The following KIF3C variants were observed in gnomAD, a reference collection of about 807,000 sequenced individuals.
The protein encoded by KIF3C is kinesin family member 3C.
Under a neutral mutation model 67.7 loss-of-function variants are expected in KIF3C, and 12 were observed. The observed-to-expected ratio is 0.18, with a 90% CI of 0.11 to 0.29. KIF3C has a LOEUF of 0.29. Ranked by LOEUF, KIF3C falls within the 10% of genes least tolerant of loss-of-function variation. The pLI is 1.00. For synonymous variants in KIF3C, 393 were observed against 426.2 expected (o/e 0.92, Z 0.96); for missense variants, 789 against 1,059.6 (o/e 0.74, Z 3.55).
chr2:25,953,582 G>A (rs1471749492), intron 4 of KIF3C, among the ~76,000 whole-genome samples: 1 of 151,276 alleles, frequency 6.6e-6, no homozygotes, highest in Non-Finnish European at 1.5e-5. Flanking sequence ...GGATAGTCTC[G>A]ATCTCCTGAC....
chr2:25,955,691 A>G lies in KIF3C; in HGVS notation c.1648-28T>C. On this transcript the variant is annotated intron_variant, in intron 2 of 7. Coordinates refer to ENST00000264712, the MANE Select transcript of KIF3C (RefSeq NM_002254.8). The surrounding 1 kb of genome is among the most constrained non-coding windows in gnomAD (Gnocchi z 5.0). ...AGGCCAAGGACGGGCAGTGTGGCTC[A>G]AAGGAGCAGTGCATACTCGGGAGGG... 6.2e-7 allele frequency: 1 copy of G among 1,613,342 alleles called. No individual in the cohort carries two copies. Among genetic ancestry groups the G allele is most frequent in the South Asian group, 1.1e-5 (1 of 90,996 alleles).
At chr2:25,971,099 C>T (rs564605344) in intron 1 of KIF3C, among the ~76,000 whole-genome samples, 1 of 151,922 alleles carries the variant, frequency 6.6e-6, no homozygotes, top group African/African-American at 2.4e-5. Context: ...GGTGAAACCC[C>T]GTCTTTACTA....
chr2:25,943,920 T>C (rs1663359380), intron 5 of KIF3C, among the ~76,000 whole-genome samples: 1 of 152,208 alleles, frequency 6.6e-6, no homozygotes, highest in Non-Finnish European at 1.5e-5. Flanking sequence ...TTTTTGTATT[T>C]TTTAAAGTTC....
chr2:25,953,666 G>GTTTT (rs1195374364), intron 4 of KIF3C, among the ~76,000 whole-genome samples: 4 of 94,498 alleles, frequency 4.2e-5, no homozygotes, highest in African/African-American at 1.7e-4. Flanking sequence ...GGCCTTTTTT[G>GTTTT]TTTTTGTTTT....
chr2:25,958,051 C>A lies in KIF3C; in HGVS notation c.1546-1607G>T, dbSNP rs2149235363. ...CTTACACTGCATCCTCAGCGACTCA[C>A]CTGCCTCGCCTCATCCCTGCCCTGC... is the stretch of plus-strand genomic sequence containing the variant. On this transcript the variant is annotated intron_variant, in intron 1 of 7. Transcript: ENST00000264712. The surrounding 1 kb of genome is among the most constrained non-coding windows in gnomAD (Gnocchi z 4.5). Among the ~76,000 whole-genome samples, 2 of 152,236 alleles carry A rather than the reference C, an allele frequency of 1.3e-5. No individual in the cohort carries two copies. The highest frequency in any genetic ancestry group is 4.1e-4 in the South Asian group (2 of 4,830).
intron 1 of KIF3C, among the ~76,000 whole-genome samples, chr2:25,962,691 A>G (rs527817246): frequency 2.9e-5 from 4 of 138,090 alleles, no homozygotes; most frequent in African/African-American, 1.1e-4. Flanking sequence ...TTTCACCTCT[A>G]TGGACATAGT....
At chr2:25,972,670 T>C (rs951109326) in intron 1 of KIF3C, among the ~76,000 whole-genome samples, 1 of 152,212 alleles carries the variant, frequency 6.6e-6, no homozygotes, top group Non-Finnish European at 1.5e-5. Context: ...ATCAGCTTTG[T>C]GGAAGTCTCT....
rs369982500 is a variant in KIF3C at position 25,928,962 on chromosome 2, C to T, written c.*16G>A. Reference sequence around the variant, plus strand: ...TCCCAGGAGTCTATTGGATGGGCAGCCTGACGTGATGGTTGTCACTCATGG... The same window carrying T: ...TCCCAGGAGTCTATTGGATGGGCAGTCTGACGTGATGGTTGTCACTCATGG... On this transcript the variant is annotated 3_prime_UTR_variant, in exon 8 of 8. Transcript: ENST00000264712. 3 of 1,608,728 alleles carry T rather than the reference C, an allele frequency of 1.9e-6. No individual in the cohort carries two copies. Among genetic ancestry groups the T allele is most frequent in the Admixed American group, 1.7e-5 (1 of 59,582 alleles).
At chr2:25,963,956 G>C (rs947580105) in intron 1 of KIF3C, among the ~76,000 whole-genome samples, 2 of 152,076 alleles carry the variant, frequency 1.3e-5, no homozygotes, top group African/African-American at 4.8e-5. Flanking sequence ...ATCCCAAAGT[G>C]CTGGGATTAC....
At position 25,931,998 on chromosome 2, in the gene KIF3C, G is replaced by GT. The variant is rs768781708; in HGVS notation, c.2007-1936dup. Among the ~76,000 whole-genome samples the GT allele has an allele frequency of 3.5e-3, 392 of 113,044 alleles. 1 individual carries two copies. The highest frequency in any genetic ancestry group is 0.015 in the Middle Eastern group (2 of 132). 74.2% of individuals were successfully genotyped at this position (113,044 alleles called of 152,430 possible). On this transcript the variant is annotated intron_variant, in intron 5 of 7. Coordinates refer to ENST00000264712, the MANE Select transcript of KIF3C (RefSeq NM_002254.8). ...GCCTTCATTGTGTGTTGTTTCTTCT[G>GT]TTTTGTTTTTTTTTTTTTTTTTTGG...
At chr2:25,976,161 GC>G (rs1399849817) in intron 1 of KIF3C, among the ~76,000 whole-genome samples, 1 of 152,134 alleles carries the variant, frequency 6.6e-6, no homozygotes, top group Non-Finnish European at 1.5e-5. Context: ...GTGGGAGAAA[GC>G]AGGACCCACA....
intron 1 of KIF3C, among the ~76,000 whole-genome samples, chr2:25,957,568 G>A (rs1292518756): frequency 1.3e-5 from 2 of 152,198 alleles, no homozygotes; most frequent in East Asian, 1.9e-4. Context: ...TTGAACCAGT[G>A]GAAAAAGCTG....
At chr2:25,930,097 T>C (rs1307414087) in intron 5 of KIF3C, 34 bp from the exon 6 acceptor site, 2 of 1,545,776 alleles carry the variant, frequency 1.3e-6, no homozygotes, top group African/African-American at 1.4e-5. Context: ...AAAGGATTTC[T>C]GTGGAACACA....
chr2:25,973,538 A>AG (rs1329186567), intron 1 of KIF3C, among the ~76,000 whole-genome samples: 2 of 130,200 alleles, frequency 1.5e-5, no homozygotes. Context: ...TGGGCAACAG[A>AG]GTGAGACTCT....
chr2:25,960,223 G>C (rs1559554554), intron 1 of KIF3C, among the ~76,000 whole-genome samples: 1 of 152,020 alleles, frequency 6.6e-6, no homozygotes, highest in African/African-American at 2.4e-5. Flanking sequence ...GGGCAACATA[G>C]CAACGCCCTA....
chr2:25,981,609 C>A lies in KIF3C; in HGVS notation c.309G>T (p.Lys103Asn). 1 of 1,614,218 alleles carries A rather than the reference C, an allele frequency of 6.2e-7. No homozygotes were observed. Among genetic ancestry groups the A allele is most frequent in the Non-Finnish European group, 8.5e-7 (1 of 1,180,046 alleles). ...VFAYGQTGTG[K>N]TYTMQGTWVE... ...CCCAGGTCCCCTGCATGGTATAGGT[C>A]TTGCCAGTGCCCGTCTGGCCATAGG... Residue 103 changes from lysine (K) to asparagine (N), a missense_variant, in exon 1 of 8, where the codon AAG becomes AAT. Physicochemically the swap from Lys to Asn is moderately conservative, Grantham distance 94. Transcript: ENST00000264712. This position sits in a 1 kb window ranked among gnomAD's most constrained non-coding sequence, Gnocchi z 8.2.
chr2:25,934,206 G>C, intron 5 of KIF3C: 2 of 469,636 alleles, frequency 4.3e-6, no homozygotes, highest in Middle Eastern at 6.5e-4. Context: ...CAGTTGTCTA[G>C]GTCTGGGGAA....
chr2:25,961,177 C>G (rs991091677), intron 1 of KIF3C, among the ~76,000 whole-genome samples: 5 of 152,186 alleles, frequency 3.3e-5, no homozygotes, highest in African/African-American at 4.8e-5. Flanking sequence ...ATGACCAGAA[C>G]TCTGGAGGTT....
intron 1 of KIF3C, among the ~76,000 whole-genome samples, chr2:25,974,953 G>A (rs889486618): frequency 6.0e-5 from 9 of 150,648 alleles, no homozygotes; most frequent in South Asian, 4.2e-4. Context: ...TTGAACCTGG[G>A]AGGCAGAGGT....
Sources: allele counts gnomAD v4.1 joint callset (sites outside exome capture counted in the v4.1 genomes callset), GRCh38; gene constraint gnomAD v4.1.1; non-coding constraint Gnocchi (gnomAD v3.1); transcripts MANE v1.5; gene names NCBI Gene and HGNC (gene_info 2026-07-23, HGNC 2026-07-21).